Variants in ADAMTSL1 observed in about 807,000 individuals in gnomAD.
The protein encoded by ADAMTSL1 is ADAMTS like 1.
Under a neutral mutation model 201.8 loss-of-function variants are expected in ADAMTSL1, and 126 were observed. The observed-to-expected ratio is 0.62, with a 90% CI of 0.54 to 0.72. The LOEUF (loss-of-function observed/expected upper bound fraction) is 0.72. Among genes scored for constraint, ADAMTSL1 ranks in the 30% least tolerant of loss-of-function variants. The probability of loss-of-function intolerance (pLI) is 0.00; values close to 1 mark genes in which losing one functional copy is unlikely to be tolerated. For synonymous variants in ADAMTSL1, 1,121 were observed against 903.4 expected (o/e 1.24, Z -4.32); for missense variants, 2,679 against 2,277.8 (o/e 1.18, Z -3.59).
chr9:18,706,599 C>T (rs1296103660), intron 13 of ADAMTSL1, 148 bp from the exon 14 acceptor site: 11 of 741,036 alleles, frequency 1.5e-5, no homozygotes, highest in East Asian at 1.1e-4. Flanking sequence ...TAAACTGAAG[C>T]GCCATCACAG....
intron 1 of ADAMTSL1, among the ~76,000 whole-genome samples, chr9:18,148,339 C>CA (rs397802968): frequency 0.34 from 46,867 of 137,796 alleles, 7,596 homozygotes; most frequent in Admixed American, 0.42. Flanking sequence ...CAGTGACAGC[C>CA]AAAAAAAAAA....
intron 2 of ADAMTSL1, among the ~76,000 whole-genome samples, chr9:18,184,497 G>T (rs1478443129): frequency 6.6e-6 from 1 of 152,164 alleles, no homozygotes; most frequent in Non-Finnish European, 1.5e-5. Context: ...TAAGAGGATA[G>T]GATTTTTGCT....
intron 3 of ADAMTSL1, among the ~76,000 whole-genome samples, chr9:18,543,816 C>T (rs1200609623): frequency 1.3e-5 from 2 of 152,198 alleles, no homozygotes; most frequent in Non-Finnish European, 2.9e-5. Context: ...GCCCCCCAGC[C>T]CCAGTAAGTT....
chr9:17,926,665 A>G (rs1563899706), intron 1 of ADAMTSL1, among the ~76,000 whole-genome samples: 3 of 152,204 alleles, frequency 2.0e-5, no homozygotes. Context: ...CTATTGGCCA[A>G]TCAAATTCAA....
At chr9:17,920,579 C>T (rs944062291) in intron 1 of ADAMTSL1, among the ~76,000 whole-genome samples, 8 of 152,156 alleles carry the variant, frequency 5.3e-5, no homozygotes, top group African/African-American at 1.2e-4. Context: ...ACCGCGTTCT[C>T]TTTTGACATC....
rs554272440 is a variant in ADAMTSL1, at chr9:18,770,656, C to G, written c.2272C>G (p.Arg758Gly). The change falls in exon 17 of 29, where the codon CGC becomes GGC. Residue 758 changes from arginine (R) to glycine (G), a missense_variant. Transcript: ENST00000380548. ...GAAACGTGAGGTTCTTTGCAAGCAGCGCATGGCTGATGGCAGCTTCCTGGA... is the reference window on the plus strand; with the variant it reads ...GAAACGTGAGGTTCTTTGCAAGCAGGGCATGGCTGATGGCAGCTTCCTGGA... ...VQKREVLCKQ[R>G]MADGSFLELP... 1 of 1,613,532 alleles carries G rather than the reference C, an allele frequency of 6.2e-7. No homozygotes were observed. The highest frequency in any genetic ancestry group is 1.3e-5 in the African/African-American group (1 of 75,018).
chr9:18,105,439 T>G (rs1189613989), intron 1 of ADAMTSL1, among the ~76,000 whole-genome samples: 1 of 152,224 alleles, frequency 6.6e-6, no homozygotes, highest in Non-Finnish European at 1.5e-5. Context: ...TGCATTTTAT[T>G]GTTTTACTTA....
intron 20 of ADAMTSL1, among the ~76,000 whole-genome samples, chr9:18,810,654 A>T (rs1327505): frequency 0.87 from 133,111 of 152,188 alleles, 58,483 homozygotes; most frequent in African/African-American, 0.96. Context: ...ATGGGGACCC[A>T]ACTTCCCCAA....
intron 2 of ADAMTSL1, among the ~76,000 whole-genome samples, chr9:18,346,098 C>A: frequency 6.6e-6 from 1 of 152,146 alleles, no homozygotes; most frequent in East Asian, 1.9e-4. Context: ...CATCCATTAG[C>A]CTTCTGTTTC....
At chr9:18,535,951 A>C (rs1819745977) in intron 3 of ADAMTSL1, among the ~76,000 whole-genome samples, 2 of 152,130 alleles carry the variant, frequency 1.3e-5, no homozygotes, top group Non-Finnish European at 2.9e-5. Context: ...GACACAGCCA[A>C]ATCATATCAG....
chr9:18,214,343 G>T (rs1462377497), intron 2 of ADAMTSL1, among the ~76,000 whole-genome samples: 1 of 152,168 alleles, frequency 6.6e-6, no homozygotes, highest in Non-Finnish European at 1.5e-5. Context: ...TATGTAGTGT[G>T]TTTGTTATTA....
At chr9:18,737,860 C>G (rs763577946) in intron 15 of ADAMTSL1, among the ~76,000 whole-genome samples, 19 of 152,216 alleles carry the variant, frequency 1.2e-4, no homozygotes, top group Non-Finnish European at 1.3e-4. Context: ...GAACCAAGAG[C>G]TCCTTTAGTG....
At chr9:18,437,609 C>T (rs181028331) in intron 2 of ADAMTSL1, among the ~76,000 whole-genome samples, 15 of 152,200 alleles carry the variant, frequency 9.9e-5, no homozygotes, top group African/African-American at 3.6e-4. Context: ...AGCTAACTGG[C>T]TTTCTAGGGT....
At chr9:18,533,857 C>A (rs1418735638) in intron 3 of ADAMTSL1, among the ~76,000 whole-genome samples, 1 of 152,076 alleles carries the variant, frequency 6.6e-6, no homozygotes, top group East Asian at 1.9e-4. Flanking sequence ...AAATAAAGTT[C>A]TTTGTGGGCT....
intron 10 of ADAMTSL1, among the ~76,000 whole-genome samples, chr9:18,679,233 T>C (rs1293235066): frequency 2.0e-5 from 3 of 152,182 alleles, no homozygotes; most frequent in Non-Finnish European, 4.4e-5. Context: ...ATTTTAACTA[T>C]TCAAATGGAT....
intron 2 of ADAMTSL1, among the ~76,000 whole-genome samples, chr9:18,350,299 C>A (rs1586944249): frequency 1.3e-5 from 2 of 152,090 alleles, no homozygotes; most frequent in East Asian, 3.9e-4. Context: ...GAAGAGAGGT[C>A]TGAATGTAGA....
At chr9:17,969,166 A>C (rs1818103690) in intron 1 of ADAMTSL1, among the ~76,000 whole-genome samples, 1 of 151,396 alleles carries the variant, frequency 6.6e-6, no homozygotes, top group Admixed American at 6.6e-5. Context: ...TAAAAATCAA[A>C]GACAAATAAA....
intron 1 of ADAMTSL1, among the ~76,000 whole-genome samples, chr9:18,009,755 A>G (rs1338105658): frequency 1.3e-5 from 2 of 152,024 alleles, no homozygotes; most frequent in Non-Finnish European, 2.9e-5. Flanking sequence ...TGTAAGATCA[A>G]GTTTAAATTC....
rs1369762754 is a variant in ADAMTSL1, at chr9:18,587,324, C to G, written c.474+13058C>G. On this transcript the variant is annotated intron_variant, in intron 4 of 28. Transcript: ENST00000380548. Reference sequence around the variant, plus strand: ...TGAACAGGCACATTTCAAAAGATGACATACATGCAGCCAACAAGCATATAA... The same window carrying G: ...TGAACAGGCACATTTCAAAAGATGAGATACATGCAGCCAACAAGCATATAA... Among the ~76,000 whole-genome samples, 2 of 152,116 alleles carry G rather than the reference C, an allele frequency of 1.3e-5. 1 individual carries two copies. Among genetic ancestry groups the G allele is most frequent in the Non-Finnish European group, 2.9e-5 (2 of 68,000 alleles).
Sources: gnomAD v4.1 joint callset for allele counts (sites outside exome capture counted in the v4.1 genomes callset) on GRCh38, gnomAD v4.1.1 for gene constraint, MANE v1.5 for transcripts, NCBI Gene and HGNC (gene_info 2026-07-23, HGNC 2026-07-21) for gene names.